The following MCTS1 variants were observed in gnomAD, a reference collection of about 807,000 sequenced individuals.
The protein encoded by MCTS1 is MCTS1 re-initiation and release factor.
For missense variants in MCTS1, 55 were observed against 128.6 expected, an observed-to-expected ratio of 0.43 and a Z score of 2.77; for synonymous variants, 26 against 40.8, an observed-to-expected ratio of 0.64 and a Z score of 1.38.
chrX:120,620,909 G>A lies in MCTS1; in HGVS notation c.*8645G>A, dbSNP rs998381841. On this transcript the variant is annotated 3_prime_UTR_variant, in exon 6 of 6. Coordinates refer to ENST00000371317, the MANE Select transcript of MCTS1 (RefSeq NM_014060.3). ...TTCTCCCATTCATGTTTAGCTATTG[G>A]GGGGTCTCATACTTCTGGACTTGCT... is the stretch of plus-strand genomic sequence containing the variant. The A allele has an allele frequency of 9.0e-6, 1 of 111,035 alleles. No homozygotes were observed. Among genetic ancestry groups the A allele is most frequent in the East Asian group, 2.8e-4 (1 of 3,557 alleles). 9.2% of individuals were successfully genotyped at this position (111,035 alleles called of 1,213,427 possible).
chrX:120,609,123 T>G (rs1459798686), intron 4 of MCTS1, among the ~76,000 whole-genome samples: 2 of 111,815 alleles, frequency 1.8e-5, no homozygotes, highest in East Asian at 5.5e-4. Flanking sequence ...GCCATTTGCC[T>G]CGGGTATAGA....
rs1156606438 is a variant in MCTS1 at position 120,604,170 on chromosome X, C to G, written c.-67C>G. Reference sequence around the variant, plus strand: ...TCCTCGTGTGAGGGGATCTGCCGGACCCCTGCAAATTCAATTTCTTTCCCA... The same window carrying G: ...TCCTCGTGTGAGGGGATCTGCCGGAGCCCTGCAAATTCAATTTCTTTCCCA... On this transcript the variant is annotated 5_prime_UTR_variant, in exon 1 of 6. Coordinates refer to ENST00000371317, the MANE Select transcript of MCTS1 (RefSeq NM_014060.3). 2 of 1,166,104 alleles carry G rather than the reference C, an allele frequency of 1.7e-6. No individual in the cohort carries two copies. The highest frequency in any genetic ancestry group is 1.8e-5 in the African/African-American group (1 of 55,871).
chrX:120,605,337 A>G (rs1926504516), intron 1 of MCTS1, 70 bp from the exon 2 acceptor site: 1 of 938,405 alleles, frequency 1.1e-6, no homozygotes, highest in Non-Finnish European at 1.4e-6. Flanking sequence ...TAATTAGAAC[A>G]GTACCTTTAG....
At position 120,612,687 on chromosome X, in the gene MCTS1, ATGTG is replaced by A. The variant is rs66864093; in HGVS notation, c.*445_*448del. ...TGTGTGTGTGTGTGTGTGTGTGTGT[ATGTG>A]TGTGTGTGTGTGTGTGTGTGTTTTG... On this transcript the variant is annotated 3_prime_UTR_variant, in exon 6 of 6. Transcript: ENST00000371317. 0.043 allele frequency among the ~76,000 whole-genome samples: 4,065 copies of A among 93,510 alleles called. 227 individuals are homozygous for A. The highest frequency in any genetic ancestry group is 0.14 in the African/African-American group (3,719 of 26,182). 81.2% of individuals were successfully genotyped at this position (93,510 alleles called of 115,157 possible).
Position 120,612,659 on chromosome X carries a change from T to TTG in MCTS1, c.*395_*396insTG, listed in dbSNP as rs1466263105. Reference sequence around the variant, plus strand: ...CCAGGGGACCCAGCAGTGCTCATTCTCGTGTGTGTGTGTGTGTGTGTGTGT... The same window carrying TTG: ...CCAGGGGACCCAGCAGTGCTCATTCTTGCGTGTGTGTGTGTGTGTGTGTGTGT... On this transcript the variant is annotated 3_prime_UTR_variant, in exon 6 of 6. Coordinates refer to ENST00000371317, the MANE Select transcript of MCTS1 (RefSeq NM_014060.3). Among the ~76,000 whole-genome samples the TTG allele has an allele frequency of 4.5e-5, 3 of 67,163 alleles. No individual in the cohort carries two copies. The highest frequency in any genetic ancestry group is 2.1e-4 in the African/African-American group (3 of 14,261). 58.3% of individuals were successfully genotyped at this position (67,163 alleles called of 115,157 possible). A position where few individuals can be genotyped will look rare whatever the true frequency, so the allele number is the denominator to read the frequency against.
rs1926915670 is a variant in MCTS1 at position 120,618,345 on chromosome X, C to A, written c.*6081C>A. 1.8e-5 allele frequency among the ~76,000 whole-genome samples: 2 copies of A among 112,112 alleles called. No homozygotes were observed. The highest frequency in any genetic ancestry group is 3.8e-5 in the Non-Finnish European group (2 of 53,256). Reference sequence around the variant, plus strand: ...ACTGTTTTCATTAGTTCTAATGCTGCTGCATGCAAATTTTGTTTAAAACCA... The same window carrying A: ...ACTGTTTTCATTAGTTCTAATGCTGATGCATGCAAATTTTGTTTAAAACCA... On this transcript the variant is annotated 3_prime_UTR_variant, in exon 6 of 6. Transcript: ENST00000371317.
intron 2 of MCTS1, 43 bp downstream of exon 2, chrX:120,605,602 A>C: frequency 8.9e-7 from 1 of 1,120,876 alleles, no homozygotes; most frequent in Non-Finnish European, 1.2e-6. Flanking sequence ...GTATAGCTGA[A>C]TATTTAATGA....
At chrX:120,611,188 T>G in intron 5 of MCTS1, 110 bp downstream of exon 5, 5 of 629,322 alleles carry the variant, frequency 7.9e-6, no homozygotes, top group Non-Finnish European at 1.2e-5. Context: ...TACACAAATA[T>G]CCAAGCACAG....
Position 120,612,293 on chromosome X carries a change from T to G in MCTS1, c.*29T>G. ...TCAGAAGGAATGCACTTGGGCTAAA[T>G]ATGGATATTGTGCTGTATCTGTGTT... On this transcript the variant is annotated 3_prime_UTR_variant, in exon 6 of 6. Coordinates refer to ENST00000371317, the MANE Select transcript of MCTS1 (RefSeq NM_014060.3). 1 of 1,059,729 alleles carries G rather than the reference T, an allele frequency of 9.4e-7. No homozygotes were observed. Among genetic ancestry groups the G allele is most frequent in the East Asian group, 3.0e-5 (1 of 32,935 alleles). 87.3% of individuals were successfully genotyped at this position (1,059,729 alleles called of 1,213,427 possible).
chrX:120,604,288 C>CG (rs773528807), intron 1 of MCTS1, 41 bp downstream of exon 1: 2 of 485,003 alleles, frequency 4.1e-6, no homozygotes, highest in Non-Finnish European at 3.4e-6. Context: ...CTCACAAAGG[C>CG]GGTGGGGTGG....
At chrX:120,611,181 A>G in intron 5 of MCTS1, 103 bp downstream of exon 5, 1 of 663,748 alleles carries the variant, frequency 1.5e-6, no homozygotes, top group Non-Finnish European at 2.3e-6. Context: ...ACCACATTAC[A>G]CAAATATCCA....
Position 120,616,342 on chromosome X carries a change from A to G in MCTS1, c.*4078A>G. On this transcript the variant is annotated 3_prime_UTR_variant, in exon 6 of 6. Transcript: ENST00000371317. ...GTAGAGATGCATGTAAATTAAATGT[A>G]TTATACATTTTTATACTTGTATGTA... Among the ~76,000 whole-genome samples, 1 of 112,380 alleles carries G rather than the reference A, an allele frequency of 8.9e-6. No homozygotes were observed. Among genetic ancestry groups the G allele is most frequent in the Non-Finnish European group, 1.9e-5 (1 of 53,286 alleles).
In MCTS1 at chrX:120,612,442, G is replaced by A; in HGVS notation, c.*178G>A. 1 of 405,897 alleles carries A rather than the reference G, an allele frequency of 2.5e-6. No individual in the cohort carries two copies. Among genetic ancestry groups the A allele is most frequent in the South Asian group, 5.0e-5 (1 of 20,006 alleles). 33.5% of individuals were successfully genotyped at this position (405,897 alleles called of 1,213,427 possible). ...TTTCTTAAACTCAAGTTAAAATTGGGTAGCAAACTTGGACATTAAAAGGTA... is the reference window on the plus strand; with the variant it reads ...TTTCTTAAACTCAAGTTAAAATTGGATAGCAAACTTGGACATTAAAAGGTA... On this transcript the variant is annotated 3_prime_UTR_variant, in exon 6 of 6. Transcript: ENST00000371317.
At position 120,616,222 on chromosome X, in the gene MCTS1, TAATTTCTA is replaced by T. The variant is rs200393515; in HGVS notation, c.*3960_*3967del. 0.014 allele frequency among the ~76,000 whole-genome samples: 1,532 copies of T among 112,492 alleles called. 18 individuals are homozygous for T. Among genetic ancestry groups the T allele is most frequent in the Non-Finnish European group, 0.021 (1,097 of 53,241 alleles). Reference sequence around the variant, plus strand: ...CTCTTCAAGAAACTCAAAATGATTCTAATTTCTAAGTAGTATGCATTAAAACTGATATA... The same window carrying T: ...CTCTTCAAGAAACTCAAAATGATTCTAGTAGTATGCATTAAAACTGATATA... On this transcript the variant is annotated 3_prime_UTR_variant, in exon 6 of 6. Transcript: ENST00000371317.
chrX:120,607,143 G>A (rs1474229612), intron 3 of MCTS1, among the ~76,000 whole-genome samples: 1 of 110,699 alleles, frequency 9.0e-6, no homozygotes, highest in African/African-American at 3.3e-5. Flanking sequence ...TTTAAAAATT[G>A]ATACGTCATA....
intron 5 of MCTS1, 125 bp downstream of exon 5, chrX:120,611,203 T>G (rs376652145): frequency 3.6e-6 from 2 of 559,718 alleles, no homozygotes; most frequent in Non-Finnish European, 5.7e-6. Flanking sequence ...GCACAGAAGC[T>G]TCATTTCTGA....
At chrX:120,607,097 A>AT (rs892964015) in intron 3 of MCTS1, among the ~76,000 whole-genome samples, 10 of 110,331 alleles carry the variant, frequency 9.1e-5, no homozygotes, top group Admixed American at 1.9e-4. Context: ...GTGTAAATGC[A>AT]TTTTTTTTTA....
chrX:120,608,575 T>G (rs1342505683), intron 4 of MCTS1: 5 of 294,143 alleles, frequency 1.7e-5, no homozygotes, highest in Non-Finnish European at 2.8e-5. Flanking sequence ...AGAAGTTAAA[T>G]GAGAACAAGT....
rs757129996 is a variant in MCTS1, at chrX:120,612,730, TA to T, written c.*474del. On this transcript the variant is annotated 3_prime_UTR_variant, in exon 6 of 6. Coordinates refer to ENST00000371317, the MANE Select transcript of MCTS1 (RefSeq NM_014060.3). ...GTGTGTGTTTTGTTGATTGTTTTTT[TA>T]AAAAAAACTTCAATGGAAAATTCTA... 9.3e-6 allele frequency among the ~76,000 whole-genome samples: 1 copy of T among 107,271 alleles called. No individual in the cohort carries two copies. The highest frequency in any genetic ancestry group is 3.4e-5 in the African/African-American group (1 of 29,290). 93.2% of individuals were successfully genotyped at this position (107,271 alleles called of 115,157 possible).
Sources: gnomAD v4.1 joint callset for allele counts (sites outside exome capture counted in the v4.1 genomes callset) on GRCh38, gnomAD v4.1.1 for gene constraint, MANE v1.5 for transcripts, NCBI Gene and HGNC (gene_info 2026-07-23, HGNC 2026-07-21) for gene names.